The following CELF2 variants were observed in gnomAD, a reference collection of about 807,000 sequenced individuals.
CELF2 encodes CUG triplet repeat RNA-binding protein 2.
In CELF2, 8 loss-of-function variants were observed where a neutral mutation model predicts 62.6. The ratio of observed to expected loss-of-function variants is 0.13; its 90% CI spans 0.07 to 0.23. The LOEUF is 0.23. Ranked by LOEUF, CELF2 falls within the 10% of genes least tolerant of loss-of-function variation. The probability of loss-of-function intolerance (pLI) is 1.00; values close to 1 mark genes in which losing one functional copy is unlikely to be tolerated. For synonymous variants in CELF2, 258 were observed against 250.0 expected, an observed-to-expected ratio of 1.03 and a Z score of -0.30; for missense variants, 333 against 671.0, an observed-to-expected ratio of 0.50 and a Z score of 5.56.
At chr10:11,090,128 G>T (rs1387813636) in intron 1 of CELF2, among the ~76,000 whole-genome samples, 4 of 150,954 alleles carry the variant, frequency 2.6e-5, no homozygotes, top group Non-Finnish European at 5.9e-5. Context: ...TCAGCATCAC[G>T]CAATATACCC....
rs114540920 is a variant in CELF2 at position 11,078,575 on chromosome 10, C to T, written c.74+60412C>T. On this transcript the variant is annotated intron_variant, in intron 1 of 12. Transcript: ENST00000633077. ...AAATCCCCTATCTTCCAAAATCTATCTATACTCCCTACAAACTAACCACTC... is the reference window on the plus strand; with the variant it reads ...AAATCCCCTATCTTCCAAAATCTATTTATACTCCCTACAAACTAACCACTC... Among the ~76,000 whole-genome samples the T allele has an allele frequency of 7.4e-3, 1,129 of 152,302 alleles. 9 individuals are homozygous for T. The highest frequency in any genetic ancestry group is 0.025 in the African/African-American group (1,024 of 41,558).
chr10:11,088,582 ATGCTTCTTGGC>A (rs2047449330), intron 1 of CELF2, among the ~76,000 whole-genome samples: 1 of 77,376 alleles, frequency 1.3e-5, no homozygotes, highest in African/African-American at 9.1e-5. Context: ...TCAAATGATG[ATGCTTCTTGGC>A]TGTGTGAATG....
intron 1 of CELF2, among the ~76,000 whole-genome samples, chr10:10,805,558 A>G (rs190076113): frequency 1.3e-5 from 2 of 152,246 alleles, no homozygotes; most frequent in East Asian, 3.9e-4. Flanking sequence ...TTGAAGGGGA[A>G]TGGAATGGGA....
chr10:10,759,098 G>A, the CELF2 span, among the ~76,000 whole-genome samples: 4 of 152,038 alleles, frequency 2.6e-5, no homozygotes, highest in South Asian at 2.1e-4. Context: ...TTTGTAACAC[G>A]GTTTGCCATC....
Position 11,041,255 on chromosome 10 carries a change from G to C in CELF2, c.74+23092G>C, listed in dbSNP as rs540093855. Among the ~76,000 whole-genome samples the C allele has an allele frequency of 1.3e-4, 20 of 152,268 alleles. No homozygotes were observed. The South Asian group carries it at 4.2e-3, about 32-fold the overall frequency. On this transcript the variant is annotated intron_variant, in intron 1 of 12. Transcript: ENST00000633077. ...CACTTCCTAACACCATCATGTTGGG[G>C]GTTAGGACTTTAACATACGCATTTT...
chr10:10,547,369 A>G, the CELF2 span, among the ~76,000 whole-genome samples: 1 of 152,314 alleles, frequency 6.6e-6, no homozygotes, highest in East Asian at 1.9e-4. Context: ...ATATGTTTGA[A>G]ACAACAGGAT....
chr10:11,164,663 CT>C (rs536182158), intron 1 of CELF2, among the ~76,000 whole-genome samples: 10,425 of 141,054 alleles, frequency 0.074, 801 homozygotes, highest in African/African-American at 0.21. Flanking sequence ...TCTGGGGCTG[CT>C]TTTTTTTTTT....
intron 1 of CELF2, among the ~76,000 whole-genome samples, chr10:11,063,339 A>G (rs1403684971): frequency 1.3e-5 from 2 of 152,232 alleles, no homozygotes; most frequent in Middle Eastern, 3.2e-3. Context: ...TCATTGAAAG[A>G]TGTTGACTTA....
chr10:10,657,525 C>T, the CELF2 span, among the ~76,000 whole-genome samples: 2 of 151,602 alleles, frequency 1.3e-5, no homozygotes, highest in Non-Finnish European at 2.9e-5. Context: ...TTTTAAGTTA[C>T]GAAATAAAAA....
chr10:11,251,056 C>T (rs762803868), intron 4 of CELF2, among the ~76,000 whole-genome samples: 9 of 152,114 alleles, frequency 5.9e-5, no homozygotes, highest in Admixed American at 4.6e-4. Context: ...CAAGTCATCT[C>T]AGAGTGTGTG....
At chr10:11,058,970 G>A (rs993461213) in intron 1 of CELF2, among the ~76,000 whole-genome samples, 12 of 151,940 alleles carry the variant, frequency 7.9e-5, no homozygotes, top group Non-Finnish European at 1.5e-4. Flanking sequence ...TTGTTGAGAC[G>A]GGGGGTTTCG....
intron 1 of CELF2, among the ~76,000 whole-genome samples, chr10:11,127,407 C>T (rs2058890982): frequency 6.6e-6 from 1 of 152,052 alleles, no homozygotes; most frequent in Admixed American, 6.5e-5. Flanking sequence ...GGGTTTATAC[C>T]CAGTAATGGG....
At chr10:10,842,441 T>C (rs1393447148) in intron 1 of CELF2, among the ~76,000 whole-genome samples, 2 of 152,084 alleles carry the variant, frequency 1.3e-5, no homozygotes, top group African/African-American at 4.8e-5. Flanking sequence ...AAATATATGC[T>C]CTTTATCAAA....
At chr10:10,685,117 T>G in the CELF2 span, among the ~76,000 whole-genome samples, 1 of 152,258 alleles carries the variant, frequency 6.6e-6, no homozygotes, top group South Asian at 2.1e-4. Flanking sequence ...GTAAACCCTA[T>G]GCTTATTCTG....
chr10:10,691,241 G>C, the CELF2 span, among the ~76,000 whole-genome samples: 1 of 151,460 alleles, frequency 6.6e-6, no homozygotes, highest in African/African-American at 2.4e-5. Context: ...CCACCTATGA[G>C]TGAGAATATG....
chr10:10,828,000 T>TAAAAAAAAAAAAAAAAAAAAAAAA (rs66721705), intron 1 of CELF2, among the ~76,000 whole-genome samples: 1 of 60,706 alleles, frequency 1.6e-5, no homozygotes, highest in Non-Finnish European at 2.9e-5. Context: ...AGGCTAGTCT[T>TAAAAAAAAAAAAAAAAAAAAAAAA]AAAAAAAAAA....
rs2074103480 is a variant in CELF2, at chr10:11,242,129, G to C, written c.355-7024G>C. ...TCTACTTTTAAATATTTTATGGGCA[G>C]TAAGCTCACAATATGTGCTAGCACG... On this transcript the variant is annotated intron_variant, in intron 3 of 12. Transcript: ENST00000633077. This position sits in a 1 kb window ranked among gnomAD's most constrained non-coding sequence, Gnocchi z 4.8. Among the ~76,000 whole-genome samples the C allele has an allele frequency of 6.6e-6, 1 of 152,150 alleles. No homozygotes were observed. Among genetic ancestry groups the C allele is most frequent in the African/African-American group, 2.4e-5 (1 of 41,414 alleles).
At chr10:11,263,958 A>G (rs917716897) in intron 5 of CELF2, among the ~76,000 whole-genome samples, 2 of 152,234 alleles carry the variant, frequency 1.3e-5, no homozygotes, top group Non-Finnish European at 2.9e-5. Context: ...CCCACTTTAT[A>G]AATGACACTG....
chr10:10,870,242 C>T (rs923788891), intron 1 of CELF2, among the ~76,000 whole-genome samples: 2 of 150,442 alleles, frequency 1.3e-5, no homozygotes, highest in Admixed American at 6.6e-5. Context: ...AAGATATGTA[C>T]GTTAAATTTA....
Sources: gnomAD v4.1 joint callset for allele counts (sites outside exome capture counted in the v4.1 genomes callset) on GRCh38, gnomAD v4.1.1 for gene constraint, Gnocchi (gnomAD v3.1) non-coding constraint, MANE v1.5 for transcripts, NCBI Gene and HGNC (gene_info 2026-07-23, HGNC 2026-07-21) for gene names.